ASPH: variants seen among roughly 807,000 people sequenced by gnomAD.
ASPH encodes aspartate beta-hydroxylase, also known as aspartyl/asparaginyl beta-hydroxylase.
A neutral mutation model predicts 118.4 loss-of-function variants in ASPH; 100 were observed. The observed-to-expected ratio is 0.84, with a 90% confidence interval of 0.72 to 1.00. The LOEUF (loss-of-function observed/expected upper bound fraction) is 1.00, where lower values mean the gene tolerates loss of function less well. ASPH is among the 50% of genes least tolerant of loss of function. The pLI, the probability that ASPH is intolerant of heterozygous loss-of-function variation, is 0.00. For missense variants in ASPH, 920 were observed against 919.5 expected, an observed-to-expected ratio of 1.00 and a Z score of -0.01; for synonymous variants, 315 against 325.6, an observed-to-expected ratio of 0.97 and a Z score of 0.35.
intron 19 of ASPH, among the ~76,000 whole-genome samples, chr8:61,553,591 C>T (rs1826786668): frequency 9.9e-6 from 1 of 100,756 alleles, no homozygotes; most frequent in Non-Finnish European, 2.1e-5. Context: ...TGTGTCCTTA[C>T]CTTTTAATGA....
chr8:61,569,532 A>C (rs1371895619), intron 16 of ASPH, among the ~76,000 whole-genome samples: 3 of 152,150 alleles, frequency 2.0e-5, no homozygotes, highest in Non-Finnish European at 4.4e-5. Context: ...ACAAACAAAC[A>C]AACCTAAGAA....
intron 15 of ASPH, chr8:61,579,163 G>A: frequency 6.2e-7 from 1 of 1,612,172 alleles, no homozygotes; most frequent in South Asian, 1.1e-5. Flanking sequence ...TGGAACATCA[G>A]CCAGCTCCAG....
At chr8:61,644,078 A>G in intron 7 of ASPH, 77 bp from the exon 8 acceptor site, 1 of 1,107,074 alleles carries the variant, frequency 9.0e-7, no homozygotes, top group Non-Finnish European at 1.3e-6. Flanking sequence ...GAAAGACACA[A>G]TTTCTAGTTA....
chr8:61,538,296 T>C (rs1252375982), intron 21 of ASPH, among the ~76,000 whole-genome samples: 2 of 152,212 alleles, frequency 1.3e-5, no homozygotes, highest in Non-Finnish European at 2.9e-5. Flanking sequence ...TGTTGTTTTG[T>C]TGACATCTTC....
At chr8:61,513,028 C>G (rs1809494164) in intron 24 of ASPH, among the ~76,000 whole-genome samples, 1 of 152,152 alleles carries the variant, frequency 6.6e-6, no homozygotes, top group South Asian at 2.1e-4. Flanking sequence ...GCCAGTTCAT[C>G]CTCAGAGAGC....
At chr8:61,678,122 C>T (rs1826255880) in intron 3 of ASPH, among the ~76,000 whole-genome samples, 1 of 152,014 alleles carries the variant, frequency 6.6e-6, no homozygotes, top group Admixed American at 6.6e-5. Flanking sequence ...AATGATTTTC[C>T]AGGATGTAGC....
chr8:61,569,257 G>A (rs1832742557), intron 16 of ASPH, among the ~76,000 whole-genome samples: 1 of 152,170 alleles, frequency 6.6e-6, no homozygotes, highest in South Asian at 2.1e-4. Context: ...AGAGAGAGGA[G>A]AATGTGTAAA....
At chr8:61,534,360 T>C (rs1294477933) in intron 21 of ASPH, among the ~76,000 whole-genome samples, 7 of 152,216 alleles carry the variant, frequency 4.6e-5, no homozygotes, top group East Asian at 3.8e-4. Flanking sequence ...CTAGTGATGC[T>C]TAGAAAGAAA....
chr8:61,632,751 G>T, intron 13 of ASPH: 1 of 308,346 alleles, frequency 3.2e-6, no homozygotes, highest in South Asian at 2.9e-5. Context: ...TATATTCTTT[G>T]ATTATTTTAT....
chr8:61,563,195 T>TTA (rs1554638053), intron 17 of ASPH, among the ~76,000 whole-genome samples: 5 of 149,650 alleles, frequency 3.3e-5, no homozygotes, highest in African/African-American at 4.9e-5. Flanking sequence ...AATTCCTCGT[T>TTA]AAAAAAAAAA....
At chr8:61,564,131 A>C (rs536142593) in intron 17 of ASPH, among the ~76,000 whole-genome samples, 8 of 152,264 alleles carry the variant, frequency 5.3e-5, no homozygotes, top group Non-Finnish European at 5.9e-5. Context: ...AAAGTTCATA[A>C]TTTTGATGTG....
At chr8:61,572,601 T>A (rs1833785526) in intron 16 of ASPH, among the ~76,000 whole-genome samples, 1 of 152,176 alleles carries the variant, frequency 6.6e-6, no homozygotes, top group African/African-American at 2.4e-5. Flanking sequence ...TGTTTTTACA[T>A]CTAATCCATC....
intron 1 of ASPH, among the ~76,000 whole-genome samples, chr8:61,707,026 G>A (rs1337286349): frequency 6.6e-6 from 1 of 152,160 alleles, no homozygotes; most frequent in Non-Finnish European, 1.5e-5. Context: ...AGATCTTTTA[G>A]AGGAAAATAC....
intron 1 of ASPH, among the ~76,000 whole-genome samples, chr8:61,710,079 C>T (rs1283787164): frequency 6.6e-6 from 1 of 152,208 alleles, no homozygotes; most frequent in Non-Finnish European, 1.5e-5. Flanking sequence ...TGCACTCACC[C>T]CTACTATTAG....
rs538491219 is a variant in ASPH, at chr8:61,501,960, T to A, written c.*1399A>T. 1 of 152,294 alleles carries A rather than the reference T, an allele frequency of 6.6e-6. No homozygotes were observed. The highest frequency in any genetic ancestry group is 2.1e-4 in the South Asian group (1 of 4,828). 9.4% of individuals were successfully genotyped at this position (152,294 alleles called of 1,614,324 possible). ...TGTGCCATTCATGCAGCATTTTTGT[T>A]CATATTGGCTTAGAATTCAGTGCAT... On this transcript the variant is annotated 3_prime_UTR_variant, in exon 25 of 25. Transcript: ENST00000379454.
intron 21 of ASPH, among the ~76,000 whole-genome samples, chr8:61,527,151 A>G (rs562980436): frequency 6.6e-6 from 1 of 152,386 alleles, no homozygotes; most frequent in East Asian, 1.9e-4. Flanking sequence ...TAGAACTAAT[A>G]GGTTACAAAC....
intron 13 of ASPH, among the ~76,000 whole-genome samples, chr8:61,626,498 C>A (rs908549748): frequency 6.6e-6 from 1 of 151,868 alleles, no homozygotes; most frequent in Non-Finnish European, 1.5e-5. Context: ...CAGGTTCTTT[C>A]GAGCACTTGA....
At position 61,583,933 on chromosome 8, in the gene ASPH, T is replaced by G; in HGVS notation, c.1062+11A>C. 6.5e-7 allele frequency: 1 copy of G among 1,540,552 alleles called. No individual in the cohort carries two copies. On this transcript the variant is annotated intron_variant, in intron 15 of 24. Transcript: ENST00000379454. ...AACAACAAAACCATTGCACAAAAAA[T>G]ATCAACCTACCCTTTTACGGAGTTT... is the stretch of plus-strand genomic sequence containing the variant.
chr8:61,629,750 T>C (rs971259580), intron 13 of ASPH, among the ~76,000 whole-genome samples: 3 of 152,246 alleles, frequency 2.0e-5, no homozygotes, highest in Non-Finnish European at 4.4e-5. Flanking sequence ...CTGAAGAATA[T>C]ATAACACATC....
Sources: gnomAD v4.1 joint callset for allele counts (sites outside exome capture counted in the v4.1 genomes callset) on GRCh38, gnomAD v4.1.1 for gene constraint, MANE v1.5 for transcripts, NCBI Gene and HGNC (gene_info 2026-07-23, HGNC 2026-07-21) for gene names.